GALNT13: variants seen among roughly 807,000 people sequenced by gnomAD.
The protein encoded by GALNT13 is UDP-GalNAc:polypeptide N-acetylgalactosaminyltransferase 13.
A neutral mutation model predicts 64.2 loss-of-function variants in GALNT13; 28 were observed. The ratio of observed to expected loss-of-function variants is 0.44; its 90% confidence interval spans 0.32 to 0.60. The LOEUF (loss-of-function observed/expected upper bound fraction) is 0.60. GALNT13 is among the 20% of genes least tolerant of loss of function. GALNT13 has a pLI of 0.05. For synonymous variants in GALNT13, 214 were observed against 224.6 expected, an observed-to-expected ratio of 0.95 and a Z score of 0.42; for missense variants, 577 against 669.8, an observed-to-expected ratio of 0.86 and a Z score of 1.53.
the GALNT13 span, among the ~76,000 whole-genome samples, chr2:153,771,138 C>G: frequency 1.3e-5 from 2 of 152,058 alleles, no homozygotes; most frequent in African/African-American, 4.8e-5. Flanking sequence ...AAATATGCCC[C>G]AGCAATGATT....
intron 9 of GALNT13, 140 bp from the exon 10 acceptor site, chr2:154,395,851 A>T (rs1308889367): frequency 6.6e-6 from 4 of 608,642 alleles, no homozygotes; most frequent in Non-Finnish European, 1.1e-5. Context: ...GGTAGTAAAA[A>T]TCCAGTGGAG....
chr2:154,229,389 T>C (rs1688797518), intron 4 of GALNT13, among the ~76,000 whole-genome samples: 1 of 151,776 alleles, frequency 6.6e-6, no homozygotes, highest in Admixed American at 6.6e-5. Context: ...ATTCTATGGG[T>C]GAAAAGTCTC....
the GALNT13 span, among the ~76,000 whole-genome samples, chr2:153,245,086 A>G: frequency 1.3e-5 from 2 of 152,228 alleles, no homozygotes. Flanking sequence ...CTCACTGCGC[A>G]GGGGATCTCT....
At chr2:154,404,030 G>T (rs1699418045) in intron 10 of GALNT13, among the ~76,000 whole-genome samples, 3 of 152,128 alleles carry the variant, frequency 2.0e-5, no homozygotes, top group South Asian at 2.1e-4. Flanking sequence ...GGTGGTAGTG[G>T]TTGTCTCTCT....
the GALNT13 span, among the ~76,000 whole-genome samples, chr2:153,410,874 TAGAG>T: frequency 2.7e-5 from 4 of 147,384 alleles, no homozygotes; most frequent in Non-Finnish European, 6.0e-5. Flanking sequence ...AATATATATT[TAGAG>T]AGAGAGAGAG....
At chr2:154,292,006 G>A (rs1692671914) in intron 8 of GALNT13, among the ~76,000 whole-genome samples, 2 of 152,214 alleles carry the variant, frequency 1.3e-5, no homozygotes, top group Non-Finnish European at 2.9e-5. Flanking sequence ...TGTCGTACAA[G>A]CAAGCCCCTT....
At chr2:153,987,408 C>T (rs1221907113) in intron 3 of GALNT13, among the ~76,000 whole-genome samples, 1 of 151,660 alleles carries the variant, frequency 6.6e-6, no homozygotes, top group Non-Finnish European at 1.5e-5. Context: ...GGAAACAAGA[C>T]AACTGTTAAG....
intron 3 of GALNT13, among the ~76,000 whole-genome samples, chr2:154,132,138 C>A (rs143260494): frequency 1.1e-4 from 17 of 152,228 alleles, no homozygotes; most frequent in African/African-American, 4.1e-4. Context: ...CTCCTTTGGC[C>A]ACACCCTCAC....
chr2:153,818,320 C>T, the GALNT13 span, among the ~76,000 whole-genome samples: 45,734 of 152,080 alleles, frequency 0.3, 7,459 homozygotes, highest in Middle Eastern at 0.42. Context: ...AGCAGCTTGG[C>T]GCCAGCTGCT....
At chr2:153,814,915 A>T in the GALNT13 span, among the ~76,000 whole-genome samples, 1 of 152,218 alleles carries the variant, frequency 6.6e-6, no homozygotes, top group Non-Finnish European at 1.5e-5. Flanking sequence ...AAGGGATGAG[A>T]ACAATGCTCT....
chr2:153,194,207 ATCT>A, the GALNT13 span, among the ~76,000 whole-genome samples: 3 of 152,148 alleles, frequency 2.0e-5, no homozygotes, highest in South Asian at 4.1e-4. Context: ...ATTTATCTTC[ATCT>A]TCTGGAACAT....
At chr2:153,567,849 G>A in the GALNT13 span, among the ~76,000 whole-genome samples, 70 of 152,326 alleles carry the variant, frequency 4.6e-4, no homozygotes, top group African/African-American at 1.6e-3. Context: ...TCAAACCACT[G>A]AATTCCTTGA....
chr2:154,183,373 T>C (rs907272648), intron 4 of GALNT13, among the ~76,000 whole-genome samples: 3 of 152,160 alleles, frequency 2.0e-5, no homozygotes, highest in Admixed American at 2.0e-4. Context: ...CATTTATAAT[T>C]GTATTTATTT....
chr2:153,682,065 G>A, the GALNT13 span, among the ~76,000 whole-genome samples: 1 of 151,582 alleles, frequency 6.6e-6, no homozygotes, highest in Non-Finnish European at 1.5e-5. Context: ...TCAATGTCGT[G>A]GCATATACTG....
the GALNT13 span, among the ~76,000 whole-genome samples, chr2:153,548,829 G>A: frequency 6.6e-6 from 1 of 152,096 alleles, no homozygotes; most frequent in Non-Finnish European, 1.5e-5. Context: ...GTACACAAAT[G>A]TTCATAACAG....
At chr2:154,337,417 A>G (rs1559098265) in intron 9 of GALNT13, among the ~76,000 whole-genome samples, 1 of 152,086 alleles carries the variant, frequency 6.6e-6, no homozygotes, top group Non-Finnish European at 1.5e-5. Flanking sequence ...AAAGACAGAA[A>G]ACTCTGAAGC....
At chr2:153,295,942 A>G in the GALNT13 span, among the ~76,000 whole-genome samples, 1 of 152,188 alleles carries the variant, frequency 6.6e-6, no homozygotes, top group Non-Finnish European at 1.5e-5. Flanking sequence ...CCCTGAATCA[A>G]GTCTGCTGAA....
chr2:154,185,429 A>G lies in GALNT13; in HGVS notation c.311+44924A>G, dbSNP rs1239715257. 2.0e-5 allele frequency among the ~76,000 whole-genome samples: 3 copies of G among 152,006 alleles called. No homozygotes were observed. In the East Asian group the frequency reaches 5.8e-4, roughly 29 times the overall value. On this transcript the variant is annotated intron_variant, in intron 4 of 12. Transcript: ENST00000392825. ...ACGTTTTTTGTCATGAATTATTTAA[A>G]TAAGCTTTCTACACCTTTCTCTTTC...
chr2:154,043,455 T>TATATATACATAC (rs1341373277), intron 3 of GALNT13, among the ~76,000 whole-genome samples: 1 of 105,020 alleles, frequency 9.5e-6, no homozygotes, highest in African/African-American at 4.0e-5. Flanking sequence ...TATATATATA[T>TATATATACATAC]ACACACATGT....
Sources: allele counts gnomAD v4.1 joint callset (sites outside exome capture counted in the v4.1 genomes callset), GRCh38; gene constraint gnomAD v4.1.1; transcripts MANE v1.5; gene names NCBI Gene and HGNC (gene_info 2026-07-23, HGNC 2026-07-21).